GMDS: variants seen among roughly 807,000 people sequenced by gnomAD.
GMDS encodes the protein GDP-mannose 4,6 dehydratase.
GMDS carries 20 observed loss-of-function variants against 49.9 expected under a neutral mutation model. That is an observed-to-expected ratio of 0.40 (90% CI 0.28 to 0.58). The LOEUF (loss-of-function observed/expected upper bound fraction) is 0.58, where lower values mean the gene tolerates loss of function less well. Among genes scored for constraint, GMDS ranks in the 20% least tolerant of loss-of-function variants. GMDS has a pLI of 0.42. For missense variants in GMDS, 362 were observed against 481.4 expected (o/e 0.75, Z 2.32); for synonymous variants, 177 against 178.6 (o/e 0.99, Z 0.07).
intron 6 of GMDS, among the ~76,000 whole-genome samples, chr6:1,939,054 G>C (rs1467727166): frequency 7.3e-6 from 1 of 137,490 alleles, no homozygotes; most frequent in African/African-American, 2.7e-5. Context: ...AGTTCTCTTT[G>C]GTTCTTTTTC....
At chr6:1,983,575 T>A (rs1383440323) in intron 4 of GMDS, among the ~76,000 whole-genome samples, 3 of 151,992 alleles carry the variant, frequency 2.0e-5, no homozygotes. Flanking sequence ...TGAACAGACA[T>A]TTCTCTAAAG....
intron 1 of GMDS, among the ~76,000 whole-genome samples, chr6:2,199,714 C>T (rs234949): frequency 0.16 from 24,940 of 152,144 alleles, 4,758 homozygotes; most frequent in African/African-American, 0.46. Context: ...ATTTTCATGG[C>T]TTTTTATCAT....
intron 9 of GMDS, among the ~76,000 whole-genome samples, chr6:1,701,828 A>C (rs1236785528): frequency 6.6e-6 from 1 of 152,146 alleles, no homozygotes; most frequent in Non-Finnish European, 1.5e-5. Context: ...CTTACAACTA[A>C]TTATTTCTGT....
rs558838199 is a variant in GMDS at position 2,006,629 on chromosome 6, G to A, written c.346-45663C>T. On this transcript the variant is annotated intron_variant, in intron 4 of 10. Transcript: ENST00000380815. ...TTATATACTATGTGTATTGTTTTAT[G>A]TTTCTATATTAGCTGAAAACACACT... Among the ~76,000 whole-genome samples the A allele has an allele frequency of 9.9e-5, 15 of 152,178 alleles. No individual in the cohort carries two copies. In the South Asian group the frequency reaches 3.1e-3, roughly 32 times the overall value.
Position 2,220,297 on chromosome 6 carries a change from G to T in GMDS, c.102+25024C>A, listed in dbSNP as rs114195329. ...ACGGTAACCTTTTAGTCAACACAAG[G>T]CCTCACAGATGGAGACGGAAAGCCT... On this transcript the variant is annotated intron_variant, in intron 1 of 10. Transcript: ENST00000380815. Among the ~76,000 whole-genome samples, 186 of 152,274 alleles carry T rather than the reference G, an allele frequency of 1.2e-3. 1 individual carries two copies. The highest frequency in any genetic ancestry group is 4.5e-3 in the African/African-American group (185 of 41,556).
intron 7 of GMDS, among the ~76,000 whole-genome samples, chr6:1,888,138 T>A (rs187778647): frequency 0.044 from 6,248 of 141,638 alleles, 264 homozygotes; most frequent in African/African-American, 0.11. Context: ...ATTATTATTT[T>A]TTTTTTTTTT....
chr6:1,960,811 C>T lies in GMDS; in HGVS notation c.501G>A (p.Gln167=). Residue 167 remains glutamine (Q), a synonymous_variant, in exon 5 of 11, where the codon CAG becomes CAA. Coordinates refer to ENST00000380815, the MANE Select transcript of GMDS (RefSeq NM_001500.4). ...GGGGATAGAAAGGGGTGGTCTCCTT[C>T]TGGGGTATTTCCTGCACTTTCCCAT... ...ELYGKVQEIP[Q]KETTPFYPRS... 1.2e-6 allele frequency: 2 copies of T among 1,609,494 alleles called. No individual in the cohort carries two copies.
At chr6:1,896,942 T>C (rs1364789213) in intron 7 of GMDS, among the ~76,000 whole-genome samples, 1 of 152,148 alleles carries the variant, frequency 6.6e-6, no homozygotes, top group African/African-American at 2.4e-5. Flanking sequence ...GTTGGTGTTG[T>C]AGGGAAGACG....
intron 1 of GMDS, among the ~76,000 whole-genome samples, chr6:2,149,372 T>C (rs1484282364): frequency 6.6e-6 from 1 of 152,208 alleles, no homozygotes; most frequent in Non-Finnish European, 1.5e-5. Context: ...ATCACTTACA[T>C]GTGTGTTTCC....
chr6:2,070,018 C>T lies in GMDS; in HGVS notation c.345+45753G>A, dbSNP rs966592088. On this transcript the variant is annotated intron_variant, in intron 4 of 10. Coordinates refer to ENST00000380815, the MANE Select transcript of GMDS (RefSeq NM_001500.4). The stretch of plus-strand genomic sequence containing the variant: ...CAATAGCAAAGACTTGGAACCAACC[C>T]AAATGTCCAACAATGATAGACTGGA... Among the ~76,000 whole-genome samples the T allele has an allele frequency of 6.0e-4, 91 of 151,248 alleles. 2 individuals are homozygous for T. The East Asian group carries it at 0.015, about 24-fold the overall frequency.
chr6:1,704,846 G>A (rs1175024205), intron 9 of GMDS, among the ~76,000 whole-genome samples: 3 of 151,974 alleles, frequency 2.0e-5, no homozygotes, highest in Non-Finnish European at 4.4e-5. Context: ...TTGTTTTGGC[G>A]GCGGTGGAGA....
chr6:1,896,990 A>G (rs1760233383), intron 7 of GMDS, among the ~76,000 whole-genome samples: 1 of 152,172 alleles, frequency 6.6e-6, no homozygotes, highest in South Asian at 2.1e-4. Context: ...GTTTTGGGGC[A>G]AAGACAACAA....
chr6:1,789,750 G>A (rs1769462666), intron 7 of GMDS, among the ~76,000 whole-genome samples: 1 of 151,994 alleles, frequency 6.6e-6, no homozygotes, highest in South Asian at 2.1e-4. Flanking sequence ...ATGTTGCCCA[G>A]GATAGTCCTG....
At chr6:1,841,467 G>A (rs908001603) in intron 7 of GMDS, among the ~76,000 whole-genome samples, 1 of 152,130 alleles carries the variant, frequency 6.6e-6, no homozygotes, top group African/African-American at 2.4e-5. Flanking sequence ...AAATGCTAAC[G>A]TTTTTGAAAT....
At chr6:1,624,827 CTTTTTTTTTTTT>C (rs551321002) in intron 9 of GMDS, 4 of 83,280 alleles carry the variant, frequency 4.8e-5, no homozygotes, top group Admixed American at 1.4e-4. Flanking sequence ...GCTCTTAATG[CTTTTTTTTTTTT>C]TTTTTTTTTT....
intron 1 of GMDS, among the ~76,000 whole-genome samples, chr6:2,217,164 G>C (rs1780380935): frequency 1.3e-5 from 2 of 152,116 alleles, no homozygotes; most frequent in African/African-American, 4.8e-5. Flanking sequence ...TAGAGGGACA[G>C]AGATCATCAG....
At chr6:2,067,528 A>C (rs1185251114) in intron 4 of GMDS, among the ~76,000 whole-genome samples, 2 of 152,090 alleles carry the variant, frequency 1.3e-5, no homozygotes, top group Non-Finnish European at 2.9e-5. Flanking sequence ...CAAGACTAAT[A>C]AAGAAAAAAA....
At chr6:2,243,249 T>C (rs1017290716) in intron 1 of GMDS, among the ~76,000 whole-genome samples, 49 of 152,296 alleles carry the variant, frequency 3.2e-4, no homozygotes, top group Non-Finnish European at 5.9e-4. Flanking sequence ...TAGACTCCCA[T>C]GACAGGCTGC....
At chr6:1,723,712 G>A (rs1047148867) in intron 9 of GMDS, among the ~76,000 whole-genome samples, 12 of 152,038 alleles carry the variant, frequency 7.9e-5, no homozygotes, top group Non-Finnish European at 1.8e-4. Context: ...ATCGGTGAAA[G>A]CACTTTTACA....
Sources: gnomAD v4.1 joint callset for allele counts (sites outside exome capture counted in the v4.1 genomes callset) on GRCh38, gnomAD v4.1.1 for gene constraint, MANE v1.5 for transcripts, NCBI Gene and HGNC (gene_info 2026-07-23, HGNC 2026-07-21) for gene names.